The following NEGR1 variants were observed in gnomAD, a reference collection of about 807,000 sequenced individuals.
NEGR1 encodes the protein IgLON family member 4.
A neutral mutation model predicts 40.9 loss-of-function variants in NEGR1; 10 were observed. The ratio of observed to expected loss-of-function variants is 0.24; its 90% CI spans 0.15 to 0.42. NEGR1 has a LOEUF of 0.42. Ranked by LOEUF, NEGR1 falls within the 10% of genes least tolerant of loss-of-function variation. The probability of loss-of-function intolerance (pLI) is 1.00; values close to 1 mark genes in which losing one functional copy is unlikely to be tolerated. For missense variants in NEGR1, 352 were observed against 438.9 expected (o/e 0.80, Z 1.77); for synonymous variants, 185 against 166.8 (o/e 1.11, Z -0.84).
At chr1:71,773,050 T>C (rs958831283) in intron 3 of NEGR1, among the ~76,000 whole-genome samples, 2 of 152,146 alleles carry the variant, frequency 1.3e-5, no homozygotes, top group East Asian at 1.9e-4. Flanking sequence ...GGTGAAAGTA[T>C]AGTTGAGTTG....
intron 2 of NEGR1, among the ~76,000 whole-genome samples, chr1:71,851,916 G>A (rs1399980689): frequency 2.0e-5 from 3 of 152,068 alleles, no homozygotes; most frequent in African/African-American, 7.2e-5. Flanking sequence ...TAAAATGAAG[G>A]TAAAAATAGT....
intron 2 of NEGR1, among the ~76,000 whole-genome samples, chr1:71,931,805 A>G (rs1645857807): frequency 6.6e-6 from 1 of 152,152 alleles, no homozygotes; most frequent in African/African-American, 2.4e-5. Flanking sequence ...CAGTGTCTAT[A>G]TTTCATGTTT....
At chr1:71,797,603 A>G (rs1657386318) in intron 2 of NEGR1, among the ~76,000 whole-genome samples, 2 of 152,218 alleles carry the variant, frequency 1.3e-5, no homozygotes, top group African/African-American at 4.8e-5. Flanking sequence ...GAAATAGAAC[A>G]CTACCTGACA....
In NEGR1 at chr1:72,147,382, C is replaced by T. The variant is rs115988353; in HGVS notation, c.176+134937G>A. Among the ~76,000 whole-genome samples the T allele has an allele frequency of 5.8e-3, 883 of 152,130 alleles. 6 individuals are homozygous for T. The highest frequency in any genetic ancestry group is 0.02 in the African/African-American group (838 of 41,524). ...AACCCCTGATAAACCCATCAGATTT[C>T]GTAAGACTTATTCACTATCACAAGA... On this transcript the variant is annotated intron_variant, in intron 1 of 6. Transcript: ENST00000357731.
intron 2 of NEGR1, among the ~76,000 whole-genome samples, chr1:71,859,331 C>T (rs145778710): frequency 6.6e-6 from 1 of 152,110 alleles, no homozygotes; most frequent in East Asian, 1.9e-4. Flanking sequence ...GCATGGCTTG[C>T]TCTCTCACCA....
intron 3 of NEGR1, among the ~76,000 whole-genome samples, chr1:71,729,480 A>AT (rs1192186558): frequency 6.6e-6 from 1 of 151,844 alleles, no homozygotes; most frequent in Admixed American, 6.6e-5. Flanking sequence ...GCTTTTTTCT[A>AT]TTTTGCTCAC....
chr1:71,822,415 T>G (rs990734952), intron 2 of NEGR1, among the ~76,000 whole-genome samples: 3 of 152,028 alleles, frequency 2.0e-5, no homozygotes, highest in African/African-American at 7.2e-5. Flanking sequence ...GCCGCTATCA[T>G]TGATTTCATG....
chr1:71,460,957 T>C (rs1465927595), intron 6 of NEGR1, among the ~76,000 whole-genome samples: 4 of 152,290 alleles, frequency 2.6e-5, no homozygotes, highest in South Asian at 2.1e-4. Flanking sequence ...TTATCCCACA[T>C]CATTGCCAAA....
At chr1:72,044,336 A>G (rs1646982255) in intron 1 of NEGR1, among the ~76,000 whole-genome samples, 2 of 151,280 alleles carry the variant, frequency 1.3e-5, no homozygotes, top group South Asian at 4.1e-4. Context: ...AAGTTAAAAA[A>G]AAAAAAAAAG....
intron 4 of NEGR1, among the ~76,000 whole-genome samples, chr1:71,614,357 C>T (rs573794319): frequency 3.3e-5 from 5 of 151,846 alleles, no homozygotes; most frequent in African/African-American, 9.7e-5. Flanking sequence ...TATACATATA[C>T]GTATATTCAC....
At chr1:71,579,872 C>T (rs1049984953) in intron 6 of NEGR1, among the ~76,000 whole-genome samples, 7 of 151,906 alleles carry the variant, frequency 4.6e-5, no homozygotes, top group African/African-American at 1.2e-4. Context: ...AGGTCTCATA[C>T]CTTAGGAAAA....
chr1:71,437,974 T>G (rs1242959080), intron 6 of NEGR1, among the ~76,000 whole-genome samples: 1 of 152,234 alleles, frequency 6.6e-6, no homozygotes, highest in Non-Finnish European at 1.5e-5. Flanking sequence ...CAGTATCTTC[T>G]AGAGAGATTT....
intron 1 of NEGR1, among the ~76,000 whole-genome samples, chr1:72,093,438 G>T (rs1648573990): frequency 6.6e-6 from 1 of 151,972 alleles, no homozygotes; most frequent in South Asian, 2.1e-4. Flanking sequence ...TATGTAATTG[G>T]CTTCTGAGTT....
At chr1:71,542,150 A>G (rs989009510) in intron 6 of NEGR1, among the ~76,000 whole-genome samples, 2 of 151,766 alleles carry the variant, frequency 1.3e-5, no homozygotes, top group East Asian at 2.0e-4. Flanking sequence ...AGGTACTTCT[A>G]TGATAACACT....
At chr1:71,668,534 G>A (rs74088548) in intron 4 of NEGR1, among the ~76,000 whole-genome samples, 6 of 152,192 alleles carry the variant, frequency 3.9e-5, no homozygotes, top group South Asian at 4.1e-4. Flanking sequence ...GAGAAACGTC[G>A]TTAAAGCTTC....
At chr1:71,981,170 A>C (rs1166845530) in intron 1 of NEGR1, among the ~76,000 whole-genome samples, 1 of 152,170 alleles carries the variant, frequency 6.6e-6, no homozygotes, top group Non-Finnish European at 1.5e-5. Flanking sequence ...ATTACATGGA[A>C]AGCTATAATT....
At chr1:72,253,516 T>C (rs1422197576) in intron 1 of NEGR1, among the ~76,000 whole-genome samples, 1 of 152,180 alleles carries the variant, frequency 6.6e-6, no homozygotes, top group African/African-American at 2.4e-5. Flanking sequence ...TAGCCAATTA[T>C]GGGTCTTTTC....
At chr1:72,271,941 T>C (rs959052840) in intron 1 of NEGR1, among the ~76,000 whole-genome samples, 1 of 151,904 alleles carries the variant, frequency 6.6e-6, no homozygotes, top group African/African-American at 2.4e-5. Context: ...TTTTGCCTCC[T>C]GCCATGATTC....
intron 3 of NEGR1, among the ~76,000 whole-genome samples, chr1:71,744,486 A>C (rs1364292674): frequency 2.6e-5 from 4 of 151,984 alleles, no homozygotes; most frequent in Non-Finnish European, 5.9e-5. Context: ...TTGAGGGATC[A>C]AGGTTGACTT....
Sources: gnomAD v4.1 joint callset for allele counts (sites outside exome capture counted in the v4.1 genomes callset) on GRCh38, gnomAD v4.1.1 for gene constraint, MANE v1.5 for transcripts, NCBI Gene and HGNC (gene_info 2026-07-23, HGNC 2026-07-21) for gene names.